HPSE2: variants seen among roughly 807,000 people sequenced by gnomAD.
HPSE2 encodes the protein heparanase 2 (inactive), also known as inactive heparanase-2.
HPSE2 carries 38 observed loss-of-function variants against 60.5 expected under a neutral mutation model. That is an observed-to-expected ratio of 0.63 (90% CI 0.48 to 0.82). The LOEUF (loss-of-function observed/expected upper bound fraction) is 0.82. Among genes scored for constraint, HPSE2 ranks in the 40% least tolerant of loss-of-function variants. The pLI is 0.00. For missense variants in HPSE2, 713 were observed against 740.4 expected (o/e 0.96, Z 0.43); for synonymous variants, 295 against 293.2 (o/e 1.01, Z -0.06).
intron 3 of HPSE2, among the ~76,000 whole-genome samples, chr10:98,854,952 G>T (rs1407920704): frequency 6.6e-6 from 1 of 152,062 alleles, no homozygotes; most frequent in Admixed American, 6.5e-5. Context: ...CTTTACTTAG[G>T]ATACGGGAAG....
intron 3 of HPSE2, among the ~76,000 whole-genome samples, chr10:98,892,942 C>A (rs1172867627): frequency 6.6e-6 from 1 of 152,184 alleles, no homozygotes; most frequent in East Asian, 1.9e-4. Context: ...GGGGTACCTA[C>A]AAATGCCATA....
intron 2 of HPSE2, among the ~76,000 whole-genome samples, chr10:99,211,880 C>T (rs1848963038): frequency 6.6e-6 from 1 of 152,020 alleles, no homozygotes; most frequent in Non-Finnish European, 1.5e-5. Context: ...AGCTTGTGCA[C>T]AGCCAAGGAA....
intron 7 of HPSE2, among the ~76,000 whole-genome samples, chr10:98,630,933 C>T (rs938334940): frequency 6.6e-6 from 1 of 152,168 alleles, no homozygotes; most frequent in African/African-American, 2.4e-5. Context: ...CCCACAACTT[C>T]TGGTTGGCTA....
At chr10:98,864,238 C>A (rs1460718141) in intron 3 of HPSE2, among the ~76,000 whole-genome samples, 14 of 152,106 alleles carry the variant, frequency 9.2e-5, no homozygotes, top group Admixed American at 2.6e-4. Context: ...AGCTTCTCAA[C>A]GTTTTTAAAT....
At chr10:98,663,902 G>A (rs534585275) in intron 6 of HPSE2, among the ~76,000 whole-genome samples, 15 of 152,234 alleles carry the variant, frequency 9.9e-5, no homozygotes, top group Admixed American at 5.2e-4. Context: ...GACAAAGCTC[G>A]GCTCCCACTT....
chr10:99,120,913 G>A (rs931314230), intron 3 of HPSE2, among the ~76,000 whole-genome samples: 1 of 152,132 alleles, frequency 6.6e-6, no homozygotes, highest in Non-Finnish European at 1.5e-5. Context: ...TTCTCAAAGA[G>A]CTAAAAACAG....
intron 9 of HPSE2, among the ~76,000 whole-genome samples, chr10:98,560,976 T>C (rs1450920265): frequency 1.3e-5 from 2 of 152,220 alleles, no homozygotes; most frequent in African/African-American, 4.8e-5. Flanking sequence ...TATGATACTA[T>C]AGTTTTCATC....
chr10:99,135,187 C>A (rs1378714411), intron 3 of HPSE2, among the ~76,000 whole-genome samples: 1 of 129,178 alleles, frequency 7.7e-6, no homozygotes, highest in Non-Finnish European at 1.8e-5. Flanking sequence ...TATATATGCA[C>A]CCAATACAAG....
At chr10:98,814,883 T>C (rs908214134) in intron 3 of HPSE2, among the ~76,000 whole-genome samples, 1 of 152,238 alleles carries the variant, frequency 6.6e-6, no homozygotes, top group African/African-American at 2.4e-5. Context: ...GGCCGATTAA[T>C]TTAAAAACAC....
intron 6 of HPSE2, among the ~76,000 whole-genome samples, chr10:98,648,622 A>C (rs571610820): frequency 6.9e-4 from 105 of 152,190 alleles, no homozygotes; most frequent in African/African-American, 2.2e-3. Flanking sequence ...CTCTACAAAA[A>C]ATAAAAAAAT....
intron 3 of HPSE2, among the ~76,000 whole-genome samples, chr10:99,108,300 T>C (rs544695364): frequency 6.6e-6 from 1 of 151,922 alleles, no homozygotes; most frequent in Non-Finnish European, 1.5e-5. Flanking sequence ...ACTAAGCAAG[T>C]ATTTTATAAC....
Position 98,696,489 on chromosome 10 carries a change from C to T in HPSE2, c.957-2542G>A, listed in dbSNP as rs185512384. On this transcript the variant is annotated intron_variant, in intron 5 of 11. Coordinates refer to ENST00000370552, the MANE Select transcript of HPSE2 (RefSeq NM_021828.5). ...AGCCCCGATCCTCAGTCAGGAAAGG[C>T]AGTCAGTGAGTGTGCTACCCAGCCT... Among the ~76,000 whole-genome samples the T allele has an allele frequency of 1.6e-3, 248 of 152,204 alleles. 1 individual carries two copies. Among genetic ancestry groups the T allele is most frequent in the Non-Finnish European group, 2.8e-3 (190 of 68,014 alleles).
chr10:98,482,887 G>A (rs891223181), intron 10 of HPSE2, 105 bp from the exon 11 acceptor site: 5 of 1,293,384 alleles, frequency 3.9e-6, no homozygotes, highest in Admixed American at 1.8e-5. Context: ...CCCTGAAAAT[G>A]GCACTTAAAA....
At chr10:98,974,301 AAAAG>A (rs1366959824) in intron 3 of HPSE2, among the ~76,000 whole-genome samples, 1 of 150,568 alleles carries the variant, frequency 6.6e-6, no homozygotes, top group Non-Finnish European at 1.5e-5. Flanking sequence ...AAAAAGAAAG[AAAAG>A]AAAGAAAGAT....
intron 9 of HPSE2, among the ~76,000 whole-genome samples, chr10:98,511,095 A>G (rs906205144): frequency 1.3e-5 from 2 of 152,012 alleles, no homozygotes; most frequent in Admixed American, 1.3e-4. Context: ...TGCCTGATAC[A>G]TAAAAGTATT....
At chr10:99,158,520 G>T (rs1446076363) in intron 2 of HPSE2, among the ~76,000 whole-genome samples, 1 of 135,458 alleles carries the variant, frequency 7.4e-6, no homozygotes, top group Non-Finnish European at 1.6e-5. Context: ...ACCAAACACC[G>T]CATATTCTCA....
At chr10:98,923,429 T>C (rs938813852) in intron 3 of HPSE2, among the ~76,000 whole-genome samples, 3 of 152,194 alleles carry the variant, frequency 2.0e-5, no homozygotes, top group African/African-American at 7.2e-5. Flanking sequence ...AATGTTGATA[T>C]CTTTCTCTAG....
chr10:99,021,687 G>T (rs989333423), intron 3 of HPSE2, among the ~76,000 whole-genome samples: 1 of 151,992 alleles, frequency 6.6e-6, no homozygotes, highest in South Asian at 2.1e-4. Flanking sequence ...TTTCTTCTCT[G>T]ATGTCCTTAG....
At chr10:98,853,380 C>A (rs2134744359) in intron 3 of HPSE2, among the ~76,000 whole-genome samples, 1 of 152,318 alleles carries the variant, frequency 6.6e-6, no homozygotes, top group Middle Eastern at 3.4e-3. Flanking sequence ...CCTGAGATTT[C>A]AGTTATAATC....
Sources: gnomAD v4.1 joint callset for allele counts (sites outside exome capture counted in the v4.1 genomes callset) on GRCh38, gnomAD v4.1.1 for gene constraint, MANE v1.5 for transcripts, NCBI Gene and HGNC (gene_info 2026-07-23, HGNC 2026-07-21) for gene names.